FBN2: variants seen among roughly 807,000 people sequenced by gnomAD.
FBN2 encodes fibrillin-2.
FBN2 carries 105 observed loss-of-function variants against 355.6 expected under a neutral mutation model. The ratio of observed to expected loss-of-function variants is 0.30; its 90% CI spans 0.25 to 0.35. The LOEUF (loss-of-function observed/expected upper bound fraction) is 0.35, where lower values mean the gene tolerates loss of function less well. Among genes scored for constraint, FBN2 ranks in the 10% least tolerant of loss-of-function variants. The pLI, the probability that FBN2 is intolerant of heterozygous loss-of-function variation, is 1.00. For synonymous variants in FBN2, 1,350 were observed against 1,301.2 expected, an observed-to-expected ratio of 1.04 and a Z score of -0.81; for missense variants, 3,280 against 3,758.7, an observed-to-expected ratio of 0.87 and a Z score of 3.33.
At chr5:128,488,574 A>G (rs1755407261) in intron 5 of FBN2, among the ~76,000 whole-genome samples, 1 of 151,902 alleles carries the variant, frequency 6.6e-6, no homozygotes, top group South Asian at 2.1e-4. Context: ...ATATGCATAC[A>G]TGTGCCATGC....
chr5:128,288,449 A>T lies in FBN2; in HGVS notation c.6746T>A (p.Met2249Lys), dbSNP rs763215626. 6.2e-7 allele frequency: 1 copy of T among 1,614,122 alleles called. No homozygotes were observed. The highest frequency in any genetic ancestry group is 1.1e-5 in the South Asian group (1 of 91,088). ...CAAAGATCACTTGCCTTCACAATTC[A>T]TCATGGGCCCTGGCTCAAAGCCTTC... ...CNEGFEPGPM[M>K]NCEDINECAQ... is the part of the protein sequence containing the mutation. The change falls in exon 53 of 65, where the codon ATG (methionine) becomes AAG (lysine). Residue 2249 changes from methionine to lysine, a missense_variant. Physicochemically the swap from Met to Lys is moderately conservative, Grantham distance 95. Transcript: ENST00000262464.
In FBN2 at chr5:128,392,269, A is replaced by G. The variant is rs1367642595; in HGVS notation, c.1466-114T>C. 5 of 831,748 alleles carry G rather than the reference A, an allele frequency of 6.0e-6. No individual in the cohort carries two copies. In the African/African-American group the frequency reaches 6.9e-5, roughly 11 times the overall value. The allele number at this position is 831,748 out of a possible 1,614,324, so 51.5% of individuals were successfully genotyped here. ...TTAATTAGATGTATATCAGAAGCTC[A>G]TATTTTATATTTTATTAAAACTTTA... is the stretch of plus-strand genomic sequence containing the variant. On this transcript the variant is annotated intron_variant, in intron 10 of 64. Coordinates refer to ENST00000262464, the MANE Select transcript of FBN2 (RefSeq NM_001999.4).
intron 3 of FBN2, 119 bp downstream of exon 3, chr5:128,530,470 AATGTTG>A: frequency 1.4e-6 from 1 of 712,156 alleles, no homozygotes; most frequent in Non-Finnish European, 2.6e-6. Flanking sequence ...AGTATCTCAT[AATGTTG>A]ATGTAAGGAT....
intron 12 of FBN2, among the ~76,000 whole-genome samples, chr5:128,378,080 GAAA>G (rs375775820): frequency 7.4e-6 from 1 of 135,262 alleles, no homozygotes; most frequent in Non-Finnish European, 1.6e-5. Context: ...AGTGGGAAAG[GAAA>G]AAAAAAAAGA....
intron 19 of FBN2, among the ~76,000 whole-genome samples, chr5:128,360,670 C>A (rs996490342): frequency 1.3e-5 from 2 of 151,654 alleles, no homozygotes; most frequent in African/African-American, 4.8e-5. Context: ...CAGAGTCATT[C>A]ATGTTTTGGC....
At chr5:128,436,666 TAA>T (rs954029413) in intron 7 of FBN2, among the ~76,000 whole-genome samples, 50 of 137,948 alleles carry the variant, frequency 3.6e-4, no homozygotes, top group Admixed American at 5.1e-4. Context: ...TGGCTCCACT[TAA>T]AAAAAAAAAA....
At chr5:128,352,836 A>G (rs1425619305) in intron 20 of FBN2, among the ~76,000 whole-genome samples, 2 of 152,218 alleles carry the variant, frequency 1.3e-5, no homozygotes, top group African/African-American at 2.4e-5. Flanking sequence ...GTGTATTCCT[A>G]TAGTATTTAT....
chr5:128,361,756 A>T lies in FBN2; in HGVS notation c.2521T>A (p.Tyr841Asn). 1.2e-6 allele frequency: 2 copies of T among 1,614,088 alleles called. No individual in the cohort carries two copies. The highest frequency in any genetic ancestry group is 1.7e-6 in the Non-Finnish European group (2 of 1,179,982). ...GSYSCTCPPG[Y>N]VFRTETETCE... ...GTCTCTGTCTCAGTCCTGAACACAT[A>T]CCCTGGTGGGCACGTACAGCTGTAA... The change falls in exon 19 of 65, where the codon TAT becomes AAT. Residue 841 changes from tyrosine (Y) to asparagine (N), a missense_variant. Transcript: ENST00000262464.
At chr5:128,394,239 G>C (rs1262520499) in intron 9 of FBN2, among the ~76,000 whole-genome samples, 1 of 152,056 alleles carries the variant, frequency 6.6e-6, no homozygotes, top group Non-Finnish European at 1.5e-5. Flanking sequence ...AATGATAATA[G>C]AATTGAATAT....
At chr5:128,491,440 TG>T (rs1755501874) in intron 5 of FBN2, among the ~76,000 whole-genome samples, 1 of 152,192 alleles carries the variant, frequency 6.6e-6, no homozygotes, top group South Asian at 2.1e-4. Flanking sequence ...CATCCTTCCT[TG>T]CAGGGTCAGA....
At chr5:128,405,974 T>C (rs1752917100) in intron 8 of FBN2, among the ~76,000 whole-genome samples, 2 of 152,188 alleles carry the variant, frequency 1.3e-5, no homozygotes, top group South Asian at 4.1e-4. Context: ...GCGACGTTTC[T>C]CCTAAAGAGT....
chr5:128,520,135 C>G (rs190239500), intron 4 of FBN2, among the ~76,000 whole-genome samples: 2 of 152,234 alleles, frequency 1.3e-5, no homozygotes, highest in Non-Finnish European at 2.9e-5. Context: ...GCTCCTTTAG[C>G]CTTGTGACCT....
chr5:128,436,517 T>C (rs11955447), intron 7 of FBN2, among the ~76,000 whole-genome samples: 16,568 of 152,118 alleles, frequency 0.11, 1,065 homozygotes, highest in African/African-American at 0.17. Context: ...GATTCCTTAG[T>C]GCAAAGAACT....
Position 128,408,746 on chromosome 5 carries a change from T to G in FBN2, c.1006A>C (p.Asn336His). ...ACACAAAAATAGCTTCCCACGGTGT[T>G]GGAACATTCACCAGTTTCACATATC... ...PGICETGECS[N>H]TVGSYFCVCP... Residue 336 changes from asparagine to histidine, a missense_variant, in exon 8 of 65, where the codon AAC (asparagine) becomes CAC (histidine). Transcript: ENST00000262464. 6.2e-7 allele frequency: 1 copy of G among 1,613,822 alleles called. No homozygotes were observed. The highest frequency in any genetic ancestry group is 8.5e-7 in the Non-Finnish European group (1 of 1,179,716).
At chr5:128,263,329 T>G in intron 63 of FBN2, 96 bp downstream of exon 63, 1 of 965,326 alleles carries the variant, frequency 1.0e-6, no homozygotes, top group Non-Finnish European at 1.7e-6. Flanking sequence ...GCGGTTTGGC[T>G]TTTAGACACT....
At chr5:128,417,760 G>A (rs574135668) in intron 7 of FBN2, among the ~76,000 whole-genome samples, 1 of 152,070 alleles carries the variant, frequency 6.6e-6, no homozygotes, top group Non-Finnish European at 1.5e-5. Flanking sequence ...CTACTATTTT[G>A]TTGGGGATTT....
chr5:128,364,526 G>A, intron 18 of FBN2, 74 bp downstream of exon 18: 4 of 1,450,942 alleles, frequency 2.8e-6, no homozygotes, highest in Admixed American at 3.7e-5. Context: ...AGTCATTTGT[G>A]TTTTTAATTC....
chr5:128,469,530 CAAA>C (rs34568723), intron 5 of FBN2, among the ~76,000 whole-genome samples: 1 of 125,662 alleles, frequency 8.0e-6, no homozygotes. Flanking sequence ...GACTCCGTCT[CAAA>C]AAAAAAAAAA....
intron 7 of FBN2, chr5:128,446,218 CAT>C (rs1561460914): frequency 3.0e-6 from 1 of 334,478 alleles, no homozygotes; most frequent in Non-Finnish European, 5.7e-6. Flanking sequence ...TAAGAAGAAA[CAT>C]AAATGGCTGG....
Sources: allele counts gnomAD v4.1 joint callset (sites outside exome capture counted in the v4.1 genomes callset), GRCh38; gene constraint gnomAD v4.1.1; transcripts MANE v1.5; gene names NCBI Gene and HGNC (gene_info 2026-07-23, HGNC 2026-07-21).